ATP2B1: variants seen among roughly 807,000 people sequenced by gnomAD.
The protein encoded by ATP2B1 is plasma membrane calcium-transporting ATPase 1.
Under a neutral mutation model 124.2 loss-of-function variants are expected in ATP2B1, and 14 were observed. That is an observed-to-expected ratio of 0.11 (90% CI 0.07 to 0.18). The LOEUF is 0.18. ATP2B1 is among the 10% of genes least tolerant of loss of function. The probability of loss-of-function intolerance (pLI) is 1.00; values close to 1 mark genes in which losing one functional copy is unlikely to be tolerated. For synonymous variants in ATP2B1, 449 were observed against 492.4 expected (o/e 0.91, Z 1.17); for missense variants, 763 against 1,466.1 (o/e 0.52, Z 7.83).
At chr12:89,600,645 T>C (rs570192988) in intron 19 of ATP2B1, among the ~76,000 whole-genome samples, 6 of 149,806 alleles carry the variant, frequency 4.0e-5, no homozygotes, top group Admixed American at 2.7e-4. Context: ...AAAATGACAA[T>C]GTATTTTTTT....
At chr12:89,637,626 T>A (rs1339436207) in intron 3 of ATP2B1, among the ~76,000 whole-genome samples, 1 of 152,118 alleles carries the variant, frequency 6.6e-6, no homozygotes, top group Non-Finnish European at 1.5e-5. Flanking sequence ...CTCGAACTCC[T>A]GGCCTCAAGC....
chr12:89,634,258 T>C (rs1417058877), intron 5 of ATP2B1, among the ~76,000 whole-genome samples: 1 of 152,170 alleles, frequency 6.6e-6, no homozygotes, highest in African/African-American at 2.4e-5. Flanking sequence ...GTTAATCATA[T>C]AATACTAAAT....
intron 12 of ATP2B1, among the ~76,000 whole-genome samples, chr12:89,615,004 C>A (rs1043108087): frequency 1.3e-4 from 20 of 152,152 alleles, no homozygotes; most frequent in African/African-American, 4.1e-4. Context: ...TGTCACTTCC[C>A]AGCCTGAATT....
intron 1 of ATP2B1, among the ~76,000 whole-genome samples, chr12:89,697,064 CA>C (rs59301153): frequency 0.042 from 4,798 of 114,116 alleles, 71 homozygotes; most frequent in Middle Eastern, 0.051. Flanking sequence ...CTACTTCCTT[CA>C]AAAAAAAAAA....
At chr12:89,657,934 T>C (rs963860727) in intron 1 of ATP2B1, among the ~76,000 whole-genome samples, 1 of 152,176 alleles carries the variant, frequency 6.6e-6, no homozygotes, top group Non-Finnish European at 1.5e-5. Context: ...CATTGCCTCC[T>C]TCCTCCCACT....
intron 14 of ATP2B1, 35 bp from the exon 15 acceptor site, chr12:89,610,078 A>G: frequency 6.5e-7 from 1 of 1,544,568 alleles, no homozygotes; most frequent in Non-Finnish European, 8.9e-7. Context: ...TTATAAAAAC[A>G]TTACTCTTTA....
rs781693758 is a variant in ATP2B1, at chr12:89,598,684, T to C, written c.3351+433A>G. On this transcript the variant is annotated intron_variant, in intron 20 of 20. Coordinates refer to ENST00000428670, the MANE Select transcript of ATP2B1 (RefSeq NM_001366521.1). The stretch of plus-strand genomic sequence containing the variant: ...CATGATGCTGGCTGGCGATGGAGGG[T>C]TGCCGCCTTAGAGCCCCCTGAATGG... The C allele has an allele frequency of 6.2e-6, 10 of 1,613,984 alleles. No individual in the cohort carries two copies. In the South Asian group the frequency reaches 1.1e-4, roughly 18 times the overall value.
At chr12:89,702,207 G>A (rs990381429) in intron 1 of ATP2B1, among the ~76,000 whole-genome samples, 1 of 152,152 alleles carries the variant, frequency 6.6e-6, no homozygotes, top group African/African-American at 2.4e-5. Flanking sequence ...GAGTTTGGTT[G>A]TGCCTCTTTC....
At chr12:89,610,329 C>T (rs1877761132) in intron 14 of ATP2B1, 92 bp downstream of exon 14, 4 of 1,073,338 alleles carry the variant, frequency 3.7e-6, no homozygotes, top group African/African-American at 1.6e-5. Context: ...ATATCCATGA[C>T]TCAATCTAAT....
rs3741895 is a variant in ATP2B1 at position 89,610,546 on chromosome 12, T to C, written c.2248-38A>G. 2,637 of 1,526,122 alleles carry C rather than the reference T, an allele frequency of 1.7e-3. 63 individuals are homozygous for C. In the East Asian group the frequency reaches 0.052, roughly 30 times the overall value. The allele number at this position is 1,526,122 out of a possible 1,614,324, so 94.5% of individuals were successfully genotyped here. On this transcript the variant is annotated intron_variant, in intron 13 of 20. Coordinates refer to ENST00000428670, the MANE Select transcript of ATP2B1 (RefSeq NM_001366521.1). ...ATCAAAGTTAAAATATGCCCAAACA[T>C]AGTTTCTTAAATCCTAATGAGCTAT...
chr12:89,631,000 G>A (rs1239562532), intron 5 of ATP2B1, among the ~76,000 whole-genome samples: 4 of 151,798 alleles, frequency 2.6e-5, no homozygotes, highest in African/African-American at 9.7e-5. Flanking sequence ...TCAAACTCCT[G>A]GGCTCAAGCA....
intron 20 of ATP2B1, chr12:89,593,937 C>T (rs1179157533): frequency 6.6e-6 from 1 of 151,886 alleles, no homozygotes; most frequent in Non-Finnish European, 1.5e-5. Context: ...ATTCCAGGTT[C>T]CTTGGAAGTC....
At chr12:89,684,576 T>C (rs1889746094) in intron 1 of ATP2B1, among the ~76,000 whole-genome samples, 1 of 152,196 alleles carries the variant, frequency 6.6e-6, no homozygotes, top group African/African-American at 2.4e-5. Flanking sequence ...AGGGAAATAG[T>C]GGTCATTCAG....
At chr12:89,698,551 T>C (rs1851522984) in intron 1 of ATP2B1, among the ~76,000 whole-genome samples, 1 of 152,192 alleles carries the variant, frequency 6.6e-6, no homozygotes, top group Non-Finnish European at 1.5e-5. Flanking sequence ...CTGACTGTGG[T>C]GGCGACTGTG....
At chr12:89,656,811 A>G (rs574781537) in intron 1 of ATP2B1, among the ~76,000 whole-genome samples, 2 of 152,172 alleles carry the variant, frequency 1.3e-5, no homozygotes, top group African/African-American at 4.8e-5. Flanking sequence ...GTCCTTGCCC[A>G]GTCTTCTTAT....
chr12:89,699,571 A>C (rs560562737), intron 1 of ATP2B1, among the ~76,000 whole-genome samples: 1 of 152,186 alleles, frequency 6.6e-6, no homozygotes, highest in South Asian at 2.1e-4. Flanking sequence ...AAAAATCAAA[A>C]CCCCCTGACT....
intron 1 of ATP2B1, among the ~76,000 whole-genome samples, chr12:89,663,326 A>T (rs2136439552): frequency 6.6e-6 from 1 of 152,350 alleles, no homozygotes; most frequent in South Asian, 2.1e-4. Flanking sequence ...CAGATTTTAA[A>T]AGGAATTACA....
chr12:89,614,145 G>A (rs1277600813), intron 12 of ATP2B1, among the ~76,000 whole-genome samples: 1 of 152,110 alleles, frequency 6.6e-6, no homozygotes. Context: ...TCATGTTAAA[G>A]TTTAAACCGT....
At chr12:89,602,690 A>T (rs896360463) in intron 18 of ATP2B1, among the ~76,000 whole-genome samples, 20 of 152,338 alleles carry the variant, frequency 1.3e-4, no homozygotes, top group East Asian at 3.9e-4. Context: ...AATTTTTTTT[A>T]AAATTTAAAC....
Sources: allele counts gnomAD v4.1 joint callset (sites outside exome capture counted in the v4.1 genomes callset), GRCh38; gene constraint gnomAD v4.1.1; transcripts MANE v1.5; gene names NCBI Gene and HGNC (gene_info 2026-07-23, HGNC 2026-07-21).